The following URI1 variants were observed in gnomAD, a reference collection of about 807,000 sequenced individuals.
The protein encoded by URI1 is unconventional prefoldin RPB5 interactor 1.
URI1 carries 39 observed loss-of-function variants against 60.2 expected under a neutral mutation model. The observed-to-expected ratio is 0.65, with a 90% CI of 0.50 to 0.85. The LOEUF (loss-of-function observed/expected upper bound fraction) is 0.85, where lower values mean the gene tolerates loss of function less well. URI1 is among the 40% of genes least tolerant of loss of function. The pLI is 0.00. For missense variants in URI1, 691 were observed against 665.9 expected (o/e 1.04, Z -0.42); for synonymous variants, 251 against 236.8 (o/e 1.06, Z -0.55).
chr19:29,972,446 A>G (rs1487753535), intron 2 of URI1, among the ~76,000 whole-genome samples: 1 of 152,134 alleles, frequency 6.6e-6, no homozygotes, highest in Non-Finnish European at 1.5e-5. Context: ...CATTTTACAA[A>G]TAATTTCCAG....
chr19:29,973,458 A>G (rs1012494467), intron 2 of URI1, among the ~76,000 whole-genome samples: 1 of 152,148 alleles, frequency 6.6e-6, no homozygotes, highest in Admixed American at 6.5e-5. Flanking sequence ...CCTATTCTTT[A>G]TGAGTACGCA....
upstream of URI1, among the ~76,000 whole-genome samples, chr19:29,937,252 C>T (rs335023): frequency 0.93 from 142,143 of 152,288 alleles, 66,419 homozygotes; most frequent in East Asian, 1. Context: ...ACTATCTCTT[C>T]ATTGGCCTTC....
intron 2 of URI1, among the ~76,000 whole-genome samples, chr19:29,982,959 G>A (rs2055617013): frequency 6.6e-6 from 1 of 152,130 alleles, no homozygotes; most frequent in African/African-American, 2.4e-5. Context: ...GTGAATTTGT[G>A]TAAATTGCAT....
chr19:29,925,100 T>A (rs1018974293), intron 1 of URI1, among the ~76,000 whole-genome samples: 11 of 152,216 alleles, frequency 7.2e-5, no homozygotes, highest in Admixed American at 1.3e-4. Context: ...CCTCCCAAAG[T>A]GCTGGGATTA....
chr19:29,925,380 G>A (rs1442900845), intron 1 of URI1, among the ~76,000 whole-genome samples: 3 of 152,178 alleles, frequency 2.0e-5, no homozygotes, highest in African/African-American at 7.2e-5. Flanking sequence ...GGCAGGGGGA[G>A]GCTGCCTAGA....
chr19:29,949,618 A>G (rs557343870), intron 1 of URI1, among the ~76,000 whole-genome samples: 36 of 152,228 alleles, frequency 2.4e-4, no homozygotes, highest in South Asian at 4.1e-4. Context: ...AGCCTGGGCA[A>G]CATTGAGCAC....
chr19:29,973,457 T>C (rs2145333053), intron 2 of URI1, among the ~76,000 whole-genome samples: 1 of 152,272 alleles, frequency 6.6e-6, no homozygotes, highest in South Asian at 2.1e-4. Context: ...CCCTATTCTT[T>C]ATGAGTACGC....
chr19:29,942,696 C>T, intron 1 of URI1, 32 bp downstream of exon 1: 1 of 1,361,688 alleles, frequency 7.3e-7, no homozygotes, highest in East Asian at 2.9e-5. Context: ...CTTCCGCCTC[C>T]GCCCGCCGGG....
At chr19:29,957,202 A>G (rs2055259860) in intron 1 of URI1, among the ~76,000 whole-genome samples, 1 of 152,016 alleles carries the variant, frequency 6.6e-6, no homozygotes, top group South Asian at 2.1e-4. Flanking sequence ...TCATGAATGT[A>G]TTAATCATAA....
chr19:29,955,981 CTT>C (rs1004370774), intron 1 of URI1, among the ~76,000 whole-genome samples: 3 of 144,972 alleles, frequency 2.1e-5, no homozygotes, highest in Admixed American at 6.9e-5. Context: ...CCAGAGTAGT[CTT>C]TTTTTTTTTT....
chr19:29,960,908 C>T (rs168033), intron 1 of URI1, among the ~76,000 whole-genome samples: 3,797 of 152,066 alleles, frequency 0.025, 168 homozygotes, highest in African/African-American at 0.087. Flanking sequence ...GGCTGGAGTG[C>T]AGTGGTATGG....
chr19:29,997,158 ATGTT>A (rs1568438949), intron 4 of URI1, among the ~76,000 whole-genome samples: 1 of 152,104 alleles, frequency 6.6e-6, no homozygotes, highest in East Asian at 1.9e-4. Flanking sequence ...AATTCTTTGA[ATGTT>A]TGGTAGAATT....
chr19:30,000,932 T>C lies in URI1; in HGVS notation c.368-4429T>C, dbSNP rs534429086. Among the ~76,000 whole-genome samples, 5 of 152,126 alleles carry C rather than the reference T, an allele frequency of 3.3e-5. No homozygotes were observed. In the South Asian group the frequency reaches 1.0e-3, roughly 32 times the overall value. On this transcript the variant is annotated intron_variant, in intron 4 of 10. Coordinates refer to ENST00000392271, the MANE Select transcript of URI1 (RefSeq NM_003796.3). ...TTCTTCTGCATACTCTTTTAAATCA[T>C]GTATTGACTTTAAAATTTTCCTGTA...
chr19:30,015,060 G>A lies in URI1; in HGVS notation c.1599G>A (p.Gln533=), dbSNP rs1243268417. ...VSKFKAARLQ[Q]KD ...AGTTTAAAGCTGCCAGATTGCAACAGAAAGACTAGGCCCTGTCTAGGAAAT... is the reference window on the plus strand; with the variant it reads ...AGTTTAAAGCTGCCAGATTGCAACAAAAAGACTAGGCCCTGTCTAGGAAAT... The change falls in exon 11 of 11, where the codon CAG becomes CAA. Residue 533 remains glutamine (Q), a synonymous_variant. Transcript: ENST00000392271. 2 of 1,613,316 alleles carry A rather than the reference G, an allele frequency of 1.2e-6. No individual in the cohort carries two copies. The highest frequency in any genetic ancestry group is 1.7e-6 in the Non-Finnish European group (2 of 1,179,530).
intron 1 of URI1, among the ~76,000 whole-genome samples, chr19:29,961,176 AAGTATAC>A (rs1339368668): frequency 6.6e-6 from 1 of 151,776 alleles, no homozygotes; most frequent in East Asian, 1.9e-4. Flanking sequence ...AATCATTTTT[AAGTATAC>A]AGTTCAGTGG....
chr19:29,939,268 C>G (rs1385584753), upstream of URI1, among the ~76,000 whole-genome samples: 1 of 150,868 alleles, frequency 6.6e-6, no homozygotes, highest in African/African-American at 2.4e-5. Context: ...TGAGCCACTG[C>G]GCCTTGCCAA....
In URI1 at chr19:29,956,469, T is replaced by C; in HGVS notation, c.117+13805T>C. ...CAGAGACATAGATACCATCCAAAAATTTCCTGATATCCTTGTTTTTAACTG... is the reference window on the plus strand; with the variant it reads ...CAGAGACATAGATACCATCCAAAAACTTCCTGATATCCTTGTTTTTAACTG... On this transcript the variant is annotated intron_variant, in intron 1 of 10. Transcript: ENST00000392271. 1.9e-6 allele frequency: 3 copies of C among 1,590,244 alleles called. No homozygotes were observed. The South Asian group carries it at 3.3e-5, about 18-fold the overall frequency.
At chr19:29,953,680 TTTTC>T (rs1407027753) in intron 1 of URI1, among the ~76,000 whole-genome samples, 1 of 111,790 alleles carries the variant, frequency 8.9e-6, no homozygotes, top group Non-Finnish European at 1.9e-5. Context: ...CATTTTCTCA[TTTTC>T]TTATTAGTTT....
At chr19:29,933,930 CT>C (rs2054945010) in intron 1 of URI1, among the ~76,000 whole-genome samples, 1 of 107,476 alleles carries the variant, frequency 9.3e-6, no homozygotes, top group Non-Finnish European at 1.7e-5. Context: ...CTTTCTTTTT[CT>C]TTTCTTCCCT....
Sources: gnomAD v4.1 joint callset for allele counts (sites outside exome capture counted in the v4.1 genomes callset) on GRCh38, gnomAD v4.1.1 for gene constraint, MANE v1.5 for transcripts, NCBI Gene and HGNC (gene_info 2026-07-23, HGNC 2026-07-21) for gene names.